Variants in MAF observed in about 807,000 individuals in gnomAD.
MAF encodes MAF bZIP transcription factor, also known as transcription factor Maf.
In MAF, 10 loss-of-function variants were observed where a neutral mutation model predicts 22.0. The observed-to-expected ratio is 0.45, with a 90% confidence interval of 0.28 to 0.77. The LOEUF (loss-of-function observed/expected upper bound fraction) is 0.77. Ranked by LOEUF, MAF falls within the 30% of genes least tolerant of loss-of-function variation. The pLI, the probability that MAF is intolerant of heterozygous loss-of-function variation, is 0.12. For missense variants in MAF, 544 were observed against 548.4 expected (o/e 0.99, Z 0.08); for synonymous variants, 337 against 255.8 (o/e 1.32, Z -3.03).
At chr16:79,518,373 G>T in the MAF span, among the ~76,000 whole-genome samples, 2 of 152,202 alleles carry the variant, frequency 1.3e-5, no homozygotes, top group Non-Finnish European at 2.9e-5. Context: ...TCCCTGGCTG[G>T]CTGGAGAAGT....
the MAF span, among the ~76,000 whole-genome samples, chr16:79,453,548 T>C: frequency 6.6e-6 from 1 of 152,242 alleles, no homozygotes; most frequent in Non-Finnish European, 1.5e-5. Flanking sequence ...AAGCATTTTA[T>C]GTAATAAAAA....
At chr16:79,283,573 T>A in the MAF span, among the ~76,000 whole-genome samples, 141 of 152,288 alleles carry the variant, frequency 9.3e-4, 2 homozygotes, top group South Asian at 0.028. Flanking sequence ...AAAAAACGAT[T>A]AAAAAGATCT....
downstream of MAF, among the ~76,000 whole-genome samples, chr16:79,590,111 C>A (rs1388860654): frequency 6.6e-6 from 1 of 152,180 alleles, no homozygotes; most frequent in African/African-American, 2.4e-5. Context: ...GCTGCAGCCA[C>A]CAGGCTCGGG....
chr16:79,597,858 T>G, intron 1 of MAF: 6 of 1,031,690 alleles, frequency 5.8e-6, no homozygotes, highest in Non-Finnish European at 5.8e-6. Flanking sequence ...ACAGTTATAG[T>G]TCATTGTTGC....
the MAF span, among the ~76,000 whole-genome samples, chr16:79,361,549 G>A: frequency 2.8e-4 from 42 of 152,230 alleles, no homozygotes; most frequent in Admixed American, 1.0e-3. Context: ...CATGCTAGCC[G>A]GCTGCCTGGG....
At chr16:79,211,542 G>A in the MAF span, 29,605 of 1,607,024 alleles carry the variant, frequency 0.018, 353 homozygotes, top group South Asian at 0.035. Context: ...CCAGGCAGTC[G>A]AAATGACGCC....
At chr16:79,525,925 C>T in the MAF span, among the ~76,000 whole-genome samples, 1 of 152,164 alleles carries the variant, frequency 6.6e-6, no homozygotes, top group Non-Finnish European at 1.5e-5. Context: ...GCCCTAGAGG[C>T]CTTAAGAGAA....
At chr16:79,530,750 G>T in the MAF span, among the ~76,000 whole-genome samples, 2 of 152,074 alleles carry the variant, frequency 1.3e-5, no homozygotes, top group African/African-American at 2.4e-5. Context: ...TAAAATTAAC[G>T]ATCAATTGTG....
chr16:79,299,347 GA>G, the MAF span, among the ~76,000 whole-genome samples: 26,104 of 86,776 alleles, frequency 0.3, 2,716 homozygotes, highest in East Asian at 0.6. Flanking sequence ...CAAAGAAAAA[GA>G]AAAAAAAAAA....
At chr16:79,214,506 C>T in the MAF span, among the ~76,000 whole-genome samples, 4 of 151,930 alleles carry the variant, frequency 2.6e-5, no homozygotes, top group African/African-American at 4.8e-5. Flanking sequence ...CCCAGGTTCA[C>T]GCGATTCTCC....
chr16:79,253,737 C>T, the MAF span, among the ~76,000 whole-genome samples: 4 of 152,124 alleles, frequency 2.6e-5, no homozygotes, highest in Admixed American at 6.5e-5. Context: ...GGGGACATTT[C>T]GAGCCTGATC....
At chr16:79,581,698 T>TTGCCGAGGGAAAACACAATCC (rs1912528307), downstream of MAF, among the ~76,000 whole-genome samples, 1 of 152,222 alleles carries the variant, frequency 6.6e-6, no homozygotes, top group Non-Finnish European at 1.5e-5. Context: ...TAGATGATGC[T>TTGCCGAGGGAAAACACAATCC]TGCCGAGGGA....
chr16:79,274,912 G>C, the MAF span, among the ~76,000 whole-genome samples: 2 of 152,340 alleles, frequency 1.3e-5, no homozygotes, highest in South Asian at 4.1e-4. Context: ...TCAGGGATGA[G>C]TAGCTGTGTG....
At chr16:79,450,802 G>GA in the MAF span, among the ~76,000 whole-genome samples, 21,364 of 144,720 alleles carry the variant, frequency 0.15, 1,827 homozygotes, top group East Asian at 0.26. Flanking sequence ...ACTGAAAACA[G>GA]AAAAAAAAAA....
the MAF span, among the ~76,000 whole-genome samples, chr16:79,214,415 CTG>C: frequency 6.6e-6 from 1 of 152,154 alleles, no homozygotes; most frequent in Non-Finnish European, 1.5e-5. Context: ...GAGCCACACA[CTG>C]TGCTAAGCAG....
At chr16:79,314,881 G>A in the MAF span, among the ~76,000 whole-genome samples, 3 of 152,132 alleles carry the variant, frequency 2.0e-5, no homozygotes, top group African/African-American at 4.8e-5. Flanking sequence ...AGCAAGTCCC[G>A]GTGGGACACT....
the MAF span, among the ~76,000 whole-genome samples, chr16:79,367,581 A>G: frequency 1.3e-5 from 2 of 152,218 alleles, no homozygotes; most frequent in African/African-American, 2.4e-5. Context: ...GCACTGTCCA[A>G]TGCAACTCTC....
the MAF span, among the ~76,000 whole-genome samples, chr16:79,283,765 C>G: frequency 2.0e-5 from 3 of 152,034 alleles, no homozygotes; most frequent in Non-Finnish European, 4.4e-5. Flanking sequence ...TAAGCACAGG[C>G]CGCACAGAAC....
chr16:79,225,088 C>T, the MAF span, among the ~76,000 whole-genome samples: 1 of 152,212 alleles, frequency 6.6e-6, no homozygotes. Flanking sequence ...AAGCTGGAGG[C>T]ATCATGCTGC....
Sources: allele counts gnomAD v4.1 joint callset (sites outside exome capture counted in the v4.1 genomes callset), GRCh38; gene constraint gnomAD v4.1.1; transcripts MANE v1.5; gene names NCBI Gene and HGNC (gene_info 2026-07-23, HGNC 2026-07-21).